Variants in CDK19 observed in about 807,000 individuals in gnomAD.
The protein encoded by CDK19 is cyclin dependent kinase 19, also known as cyclin-dependent kinase 19.
CDK19 carries 20 observed loss-of-function variants against 68.3 expected under a neutral mutation model. The observed-to-expected ratio is 0.29, with a 90% CI of 0.21 to 0.43. CDK19 has a LOEUF of 0.43. Ranked by LOEUF, CDK19 falls within the 20% of genes least tolerant of loss-of-function variation. The probability of loss-of-function intolerance (pLI) is 1.00; values close to 1 mark genes in which losing one functional copy is unlikely to be tolerated. For missense variants in CDK19, 339 were observed against 623.5 expected (o/e 0.54, Z 4.86); for synonymous variants, 221 against 222.8 (o/e 0.99, Z 0.07).
intron 1 of CDK19, among the ~76,000 whole-genome samples, chr6:110,809,901 G>A (rs2115153727): frequency 6.6e-6 from 1 of 152,296 alleles, no homozygotes; most frequent in East Asian, 1.9e-4. Context: ...CAAAGGGGTA[G>A]AAACACAGCT....
At chr6:110,669,667 C>A (rs535284614) in intron 3 of CDK19, among the ~76,000 whole-genome samples, 1 of 152,186 alleles carries the variant, frequency 6.6e-6, no homozygotes, top group South Asian at 2.1e-4. Context: ...AATTAATTAT[C>A]CATAATTTTA....
intron 6 of CDK19, among the ~76,000 whole-genome samples, chr6:110,628,929 C>T (rs1779265791): frequency 6.6e-6 from 1 of 152,176 alleles, no homozygotes; most frequent in African/African-American, 2.4e-5. Context: ...GCAAGGTCAT[C>T]ATCATCATGA....
chr6:110,680,331 T>TA (rs1771898653), intron 2 of CDK19, among the ~76,000 whole-genome samples: 1 of 152,090 alleles, frequency 6.6e-6, no homozygotes, highest in Non-Finnish European at 1.5e-5. Context: ...GTGAGCACAA[T>TA]AAGTGCTACA....
chr6:110,714,475 C>T (rs1175483778), intron 2 of CDK19, among the ~76,000 whole-genome samples: 1 of 152,102 alleles, frequency 6.6e-6, no homozygotes, highest in Admixed American at 6.5e-5. Context: ...GAGGAACCAC[C>T]AAAATGTTTT....
intron 1 of CDK19, among the ~76,000 whole-genome samples, chr6:110,759,404 TAAA>T (rs1157889434): frequency 0.12 from 6,755 of 55,134 alleles, 301 homozygotes; most frequent in East Asian, 0.26. Flanking sequence ...GACTCCGTCT[TAAA>T]AAAAAAAAAA....
At chr6:110,637,597 T>C (rs1337027390) in intron 5 of CDK19, among the ~76,000 whole-genome samples, 1 of 152,202 alleles carries the variant, frequency 6.6e-6, no homozygotes. Flanking sequence ...CATGGTATAT[T>C]CTAATAGCAA....
intron 2 of CDK19, among the ~76,000 whole-genome samples, chr6:110,676,730 C>T (rs1771568629): frequency 6.6e-6 from 1 of 152,152 alleles, no homozygotes; most frequent in Admixed American, 6.5e-5. Flanking sequence ...CATTTTTATA[C>T]ATAATGCTAC....
At chr6:110,646,482 G>A in intron 4 of CDK19, 2 of 1,464,682 alleles carry the variant, frequency 1.4e-6, no homozygotes, top group East Asian at 2.5e-5. Flanking sequence ...GCGGAGCCCA[G>A]CTCGTTCTGT....
At chr6:110,802,738 T>G (rs1424766833) in intron 1 of CDK19, among the ~76,000 whole-genome samples, 1 of 152,114 alleles carries the variant, frequency 6.6e-6, no homozygotes, top group African/African-American at 2.4e-5. Flanking sequence ...AGTATCTAAA[T>G]TGACACATAA....
intron 2 of CDK19, among the ~76,000 whole-genome samples, chr6:110,725,592 C>T (rs1002843732): frequency 1.3e-5 from 2 of 151,976 alleles, no homozygotes; most frequent in African/African-American, 4.8e-5. Flanking sequence ...GAACAAAATC[C>T]ATCATCCCTC....
At chr6:110,676,540 T>TA (rs1310835393) in intron 2 of CDK19, among the ~76,000 whole-genome samples, 1 of 152,186 alleles carries the variant, frequency 6.6e-6, no homozygotes, top group Non-Finnish European at 1.5e-5. Flanking sequence ...CAGCAAACTG[T>TA]ATTATTGTCT....
intron 2 of CDK19, among the ~76,000 whole-genome samples, chr6:110,677,079 G>A (rs530718104): frequency 1.3e-4 from 20 of 152,144 alleles, no homozygotes; most frequent in Non-Finnish European, 2.4e-4. Context: ...GGCCGACTGA[G>A]GCAAAGAAAT....
intron 1 of CDK19, among the ~76,000 whole-genome samples, chr6:110,758,106 G>A (rs1028494508): frequency 2.6e-5 from 4 of 152,088 alleles, no homozygotes; most frequent in African/African-American, 4.8e-5. Context: ...GTTGGGGACC[G>A]CTTGAGCCCA....
intron 1 of CDK19, among the ~76,000 whole-genome samples, chr6:110,753,406 T>A (rs1446317004): frequency 6.6e-6 from 1 of 151,930 alleles, no homozygotes; most frequent in African/African-American, 2.4e-5. Flanking sequence ...ATTTTTTTTT[T>A]AGACAAGGTC....
intron 2 of CDK19, among the ~76,000 whole-genome samples, chr6:110,716,097 C>A (rs1196246568): frequency 6.6e-6 from 1 of 152,000 alleles, no homozygotes; most frequent in African/African-American, 2.4e-5. Context: ...CTCTTCTGAG[C>A]TTAGGGTAGG....
chr6:110,650,826 C>T (rs959905014), intron 4 of CDK19, among the ~76,000 whole-genome samples: 6 of 152,160 alleles, frequency 3.9e-5, no homozygotes, highest in African/African-American at 1.4e-4. Flanking sequence ...GGCTTGCTTG[C>T]TGTTTCAAAT....
At chr6:110,616,206 T>C (rs1045185605) in intron 12 of CDK19, among the ~76,000 whole-genome samples, 8 of 152,148 alleles carry the variant, frequency 5.3e-5, no homozygotes, top group African/African-American at 1.9e-4. Flanking sequence ...GAAGAACCTG[T>C]CGGGCGGTTA....
At chr6:110,773,655 G>A (rs1780196636) in intron 1 of CDK19, among the ~76,000 whole-genome samples, 1 of 152,100 alleles carries the variant, frequency 6.6e-6, no homozygotes, top group Non-Finnish European at 1.5e-5. Context: ...GTGAAATTTA[G>A]AGTCTTTAGT....
At position 110,661,272 on chromosome 6, in the gene CDK19, G is replaced by A. The variant is rs9384751; in HGVS notation, c.456+6162C>T. ...AGTAAGCTCCTTAACTTACAAAGAGGTTACTTCTGGATAGGCCCATTGTAT... is the reference window on the plus strand; with the variant it reads ...AGTAAGCTCCTTAACTTACAAAGAGATTACTTCTGGATAGGCCCATTGTAT... On this transcript the variant is annotated intron_variant, in intron 4 of 12. Coordinates refer to ENST00000368911, the MANE Select transcript of CDK19 (RefSeq NM_015076.5). Among the ~76,000 whole-genome samples the A allele has an allele frequency of 0.021, 3,192 of 152,194 alleles. 359 individuals carry two copies. In the East Asian group the frequency reaches 0.35, roughly 17 times the overall value.
Sources: gnomAD v4.1 joint callset for allele counts (sites outside exome capture counted in the v4.1 genomes callset) on GRCh38, gnomAD v4.1.1 for gene constraint, MANE v1.5 for transcripts, NCBI Gene and HGNC (gene_info 2026-07-23, HGNC 2026-07-21) for gene names.